MICAL3: variants seen among roughly 807,000 people sequenced by gnomAD.
The protein encoded by MICAL3 is microtubule associated monooxygenase, calponin and LIM domain containing 3, also known as [F-actin]-monooxygenase MICAL3.
MICAL3 carries 62 observed loss-of-function variants against 207.4 expected under a neutral mutation model. The observed-to-expected ratio is 0.30, with a 90% confidence interval of 0.24 to 0.37. MICAL3 has a LOEUF of 0.37. Ranked by LOEUF, MICAL3 falls within the 10% of genes least tolerant of loss-of-function variation. The pLI, the probability that MICAL3 is intolerant of heterozygous loss-of-function variation, is 1.00. For missense variants in MICAL3, 2,368 were observed against 2,635.6 expected (o/e 0.90, Z 2.22); for synonymous variants, 1,077 against 1,069.3 (o/e 1.01, Z -0.14).
intron 1 of MICAL3, among the ~76,000 whole-genome samples, chr22:17,960,695 G>C (rs779773069): frequency 1.1e-4 from 16 of 152,152 alleles, no homozygotes; most frequent in South Asian, 2.1e-4. Context: ...GTGAGAGGGT[G>C]GGGGGAAGGA....
intron 20 of MICAL3, among the ~76,000 whole-genome samples, chr22:17,836,349 C>T (rs1050731967): frequency 2.0e-5 from 3 of 152,180 alleles, no homozygotes; most frequent in Admixed American, 6.5e-5. Context: ...CACGGGGCTG[C>T]GCTGCTTTTA....
intron 1 of MICAL3, among the ~76,000 whole-genome samples, chr22:17,919,334 G>A (rs1932738119): frequency 6.6e-6 from 1 of 152,190 alleles, no homozygotes; most frequent in Admixed American, 6.5e-5. Flanking sequence ...GGGATTACAG[G>A]TGTGAGCCAC....
At chr22:17,843,845 AC>A (rs1924331877) in intron 19 of MICAL3, among the ~76,000 whole-genome samples, 1 of 140,440 alleles carries the variant, frequency 7.1e-6, no homozygotes, top group South Asian at 2.2e-4. Context: ...GCCTGGTGTT[AC>A]CAGACATTTT....
intron 11 of MICAL3, among the ~76,000 whole-genome samples, chr22:17,893,375 C>T (rs1188378536): frequency 6.6e-6 from 1 of 152,154 alleles, no homozygotes; most frequent in Non-Finnish European, 1.5e-5. Flanking sequence ...CTGGAGTGGT[C>T]CTCACCTGTC....
chr22:17,815,441 C>T (rs2146001366), intron 27 of MICAL3: 1 of 152,408 alleles, frequency 6.6e-6, no homozygotes, highest in Admixed American at 6.5e-5. Context: ...TTGCTGACCC[C>T]CTAAAGCAGC....
At chr22:17,967,763 T>G (rs1935214987) in intron 1 of MICAL3, among the ~76,000 whole-genome samples, 1 of 148,982 alleles carries the variant, frequency 6.7e-6, no homozygotes. Flanking sequence ...TGACTAAAAA[T>G]TGGCTGGGCG....
chr22:17,995,047 G>A (rs904010183), intron 1 of MICAL3, among the ~76,000 whole-genome samples: 5 of 152,064 alleles, frequency 3.3e-5, no homozygotes, highest in Non-Finnish European at 7.4e-5. Context: ...AACAGAACAC[G>A]AAAAAGATAC....
chr22:17,830,019 G>A (rs995757750), intron 21 of MICAL3, among the ~76,000 whole-genome samples: 1 of 152,194 alleles, frequency 6.6e-6, no homozygotes, highest in Non-Finnish European at 1.5e-5. Flanking sequence ...ATTTTGGATG[G>A]CTGCCAGGGA....
At position 17,958,162 on chromosome 22, in the gene MICAL3, T is replaced by A. The variant is rs5992915; in HGVS notation, c.-74-51276A>T. Among the ~76,000 whole-genome samples the A allele has an allele frequency of 1.0e-2, 1,522 of 152,288 alleles. 19 individuals carry two copies. The highest frequency in any genetic ancestry group is 0.031 in the African/African-American group (1,302 of 41,548). ...CATTACAATTAACCTATGACACTTT[T>A]TGGATAGCTTATCTTCTACTACCTC... On this transcript the variant is annotated intron_variant, in intron 1 of 31. Transcript: ENST00000441493.
At chr22:17,884,458 G>A (rs559078079) in intron 16 of MICAL3, 35 of 851,718 alleles carry the variant, frequency 4.1e-5, no homozygotes, top group African/African-American at 3.9e-4. Flanking sequence ...ACTCACAGGC[G>A]ACAGCCCCAT....
At position 17,860,082 on chromosome 22, in the gene MICAL3, C is replaced by G. The variant is rs913713005; in HGVS notation, c.2605+4817G>C. On this transcript the variant is annotated intron_variant, in intron 19 of 31. Coordinates refer to ENST00000441493, the MANE Select transcript of MICAL3 (RefSeq NM_015241.3). Reference sequence around the variant, plus strand: ...GCCACAGTGGCCTCAAGCTCACTCCCAAGACCTGCCTGAGCCTCCCCCTTT... The same window carrying G: ...GCCACAGTGGCCTCAAGCTCACTCCGAAGACCTGCCTGAGCCTCCCCCTTT... 8 of 723,618 alleles carry G rather than the reference C, an allele frequency of 1.1e-5. No individual in the cohort carries two copies. In the Admixed American group the frequency reaches 3.8e-4, roughly 34 times the overall value. 44.8% of individuals were successfully genotyped at this position (723,618 alleles called of 1,614,324 possible).
Position 18,018,532 on chromosome 22 carries a change from T to C in MICAL3, c.-75+5749A>G, listed in dbSNP as rs377526754. On this transcript the variant is annotated intron_variant, in intron 1 of 31. Transcript: ENST00000441493. ...CGAGGTCAGGAGTTTGAGACCAGCCTGGCCAACATGGTAACCCCATGTCTA... is the reference window on the plus strand; with the variant it reads ...CGAGGTCAGGAGTTTGAGACCAGCCCGGCCAACATGGTAACCCCATGTCTA... Among the ~76,000 whole-genome samples the C allele has an allele frequency of 2.3e-4, 35 of 152,072 alleles. No individual in the cohort carries two copies. The East Asian group carries it at 3.9e-3, about 17-fold the overall frequency.
intron 1 of MICAL3, among the ~76,000 whole-genome samples, chr22:17,968,160 GAAGGATGAGACC>G (rs1052393170): frequency 6.6e-6 from 1 of 152,224 alleles, no homozygotes; most frequent in Non-Finnish European, 1.5e-5. Context: ...AGGAGATCCT[GAAGGATGAGACC>G]AAGTCCAGCA....
intron 1 of MICAL3, among the ~76,000 whole-genome samples, chr22:17,946,958 T>G (rs1934100996): frequency 1.3e-5 from 2 of 152,240 alleles, no homozygotes; most frequent in Non-Finnish European, 2.9e-5. Flanking sequence ...GGGAGGGCCC[T>G]GCTATCGCCT....
chr22:17,796,262 C>T lies in MICAL3; in HGVS notation c.5651-4961G>A, dbSNP rs1051726690. 1.3e-5 allele frequency among the ~76,000 whole-genome samples: 2 copies of T among 152,180 alleles called. No homozygotes were observed. Among genetic ancestry groups the T allele is most frequent in the South Asian group, 4.1e-4 (2 of 4,826 alleles). On this transcript the variant is annotated intron_variant, in intron 29 of 31. Transcript: ENST00000441493. This position sits in a 1 kb window ranked among gnomAD's most constrained non-coding sequence, Gnocchi z 4.4. Reference sequence around the variant, plus strand: ...GCAGCACTTCCTTTGGACGTGTGACCCAGGGGTGGCTCTTTAGTGCCACTC... The same window carrying T: ...GCAGCACTTCCTTTGGACGTGTGACTCAGGGGTGGCTCTTTAGTGCCACTC...
chr22:17,817,336 G>C lies in MICAL3; in HGVS notation c.5325C>G (p.His1775Gln). Residue 1775 changes from histidine (H) to glutamine (Q), a missense_variant, in exon 26 of 32, where the codon CAC (histidine) becomes CAG (glutamine). Physicochemically the swap from His to Gln is conservative, Grantham distance 24. Around this residue, in one of 4 missense-constraint regions of MICAL3, gnomAD observed 1,770 missense variants for 1,863.2 expected, o/e 0.95. Transcript: ENST00000441493. The stretch of plus-strand genomic sequence containing the variant: ...CTGCCCTTACGACGGGAAGCACCCT[G>C]TGCTTTCCAGAGTCCACCGTGGCCC... ...SSGATVDSGK[H>Q]RVLPVVRAEL... is the part of the protein sequence containing the mutation. 1.2e-6 allele frequency: 2 copies of C among 1,606,614 alleles called. No homozygotes were observed. The highest frequency in any genetic ancestry group is 1.7e-6 in the Non-Finnish European group (2 of 1,177,042).
At chr22:17,872,685 A>C (rs1927844893) in intron 16 of MICAL3, 1 of 998,010 alleles carries the variant, frequency 1.0e-6, no homozygotes, top group Admixed American at 1.7e-5. Flanking sequence ...GACTCAGCAC[A>C]CAGGTGTGTT....
chr22:17,887,915 T>C (rs879295623), intron 13 of MICAL3, among the ~76,000 whole-genome samples: 3 of 152,128 alleles, frequency 2.0e-5, no homozygotes, highest in Non-Finnish European at 4.4e-5. Flanking sequence ...TACGTCGATG[T>C]TAGAGCTGTG....
At chr22:17,839,543 C>T (rs1209695934) in intron 20 of MICAL3, 1 of 150,448 alleles carries the variant, frequency 6.6e-6, no homozygotes, top group Non-Finnish European at 1.5e-5. Flanking sequence ...AGGCATGAGC[C>T]ACCACACCTA....
Sources: allele counts gnomAD v4.1 joint callset (sites outside exome capture counted in the v4.1 genomes callset), GRCh38; gene constraint gnomAD v4.1.1; regional missense constraint gnomAD v4.1.1; non-coding constraint Gnocchi (gnomAD v3.1); transcripts MANE v1.5; gene names NCBI Gene and HGNC (gene_info 2026-07-23, HGNC 2026-07-21).